Variants in TCF7 observed in about 807,000 individuals in gnomAD.
The protein encoded by TCF7 is transcription factor 7.
A neutral mutation model predicts 46.8 loss-of-function variants in TCF7; 19 were observed. The ratio of observed to expected loss-of-function variants is 0.41; its 90% CI spans 0.28 to 0.60. The LOEUF (loss-of-function observed/expected upper bound fraction) is 0.60, where lower values mean the gene tolerates loss of function less well. Ranked by LOEUF, TCF7 falls within the 20% of genes least tolerant of loss-of-function variation. The pLI is 0.35. For synonymous variants in TCF7, 245 were observed against 213.4 expected, an observed-to-expected ratio of 1.15 and a Z score of -1.29; for missense variants, 547 against 504.6, an observed-to-expected ratio of 1.08 and a Z score of -0.81.
chr5:134,122,874 A>G (rs886439079), intron 3 of TCF7, among the ~76,000 whole-genome samples: 1 of 152,224 alleles, frequency 6.6e-6, no homozygotes, highest in African/African-American at 2.4e-5. Context: ...CAGGGAGGCC[A>G]GATCAGGGAA....
At chr5:134,135,101 G>A (rs989130017) in intron 3 of TCF7, among the ~76,000 whole-genome samples, 2 of 152,156 alleles carry the variant, frequency 1.3e-5, no homozygotes, top group African/African-American at 4.8e-5. Context: ...CTACAGGCAT[G>A]CACCACCATG....
At chr5:134,110,694 G>T (rs892053700), upstream of TCF7, among the ~76,000 whole-genome samples, 5 of 152,344 alleles carry the variant, frequency 3.3e-5, no homozygotes, top group Admixed American at 2.0e-4. Context: ...GCGGGCTGGT[G>T]AGCAGGAAGA....
intron 9 of TCF7, chr5:134,144,690 C>CT: frequency 2.4e-6 from 2 of 827,564 alleles, no homozygotes; most frequent in Non-Finnish European, 4.1e-6. Context: ...TGTAGGGTGT[C>CT]TATAACTGGC....
upstream of TCF7, among the ~76,000 whole-genome samples, chr5:134,110,672 A>G (rs919338481): frequency 6.6e-6 from 1 of 152,238 alleles, no homozygotes; most frequent in Admixed American, 6.5e-5. Flanking sequence ...GCAAGCCCCA[A>G]CAGGATGCCA....
rs1487165694 is a variant in TCF7, at chr5:134,143,076, A to C, written c.1002A>C (p.Pro334=). 3.7e-6 allele frequency: 6 copies of C among 1,608,782 alleles called. No homozygotes were observed. The South Asian group carries it at 5.5e-5, about 15-fold the overall frequency. Residue 334 remains proline (P), a synonymous_variant, in exon 8 of 10, where the codon CCA becomes CCC. Coordinates refer to ENST00000342854, the MANE Select transcript of TCF7 (RefSeq NM_003202.5). ...KERQLHMQLY[P]GWSARDNYGK... is the part of the protein sequence containing the mutation. Reference sequence around the variant, plus strand: ...GGCAGCTGCACATGCAGCTATACCCAGGCTGGTCAGCGCGGGACAACTACG... The same window carrying C: ...GGCAGCTGCACATGCAGCTATACCCCGGCTGGTCAGCGCGGGACAACTACG...
At chr5:134,137,441 A>C (rs1267495837) in intron 3 of TCF7, among the ~76,000 whole-genome samples, 138 of 151,410 alleles carry the variant, frequency 9.1e-4, no homozygotes, top group African/African-American at 3.2e-3. Context: ...AAAAAAAAAA[A>C]AAAAAACAGA....
At chr5:134,117,601 C>T (rs1756000546) in intron 3 of TCF7, among the ~76,000 whole-genome samples, 1 of 152,168 alleles carries the variant, frequency 6.6e-6, no homozygotes, top group Non-Finnish European at 1.5e-5. Flanking sequence ...GGGAGAGTAT[C>T]TGGAGCAGGG....
At chr5:134,145,224 A>C (rs1399051803) in intron 9 of TCF7, 8 of 564,478 alleles carry the variant, frequency 1.4e-5, no homozygotes, top group Admixed American at 1.9e-5. Flanking sequence ...CCTCAAAGTC[A>C]TTATGGCCCA....
At chr5:134,117,282 C>A (rs1363114768) in intron 3 of TCF7, among the ~76,000 whole-genome samples, 1 of 152,226 alleles carries the variant, frequency 6.6e-6, no homozygotes, top group African/African-American at 2.4e-5. Flanking sequence ...GTGTGCCCCC[C>A]AGCATTCCCC....
intron 7 of TCF7, 34 bp downstream of exon 7, chr5:134,142,917 C>A (rs1760065975): frequency 6.2e-7 from 1 of 1,610,988 alleles, no homozygotes; most frequent in South Asian, 1.1e-5. Context: ...GGCAGGGATG[C>A]TCCCCGACCA....
chr5:134,132,674 C>G lies in TCF7; in HGVS notation c.442-5385C>G, dbSNP rs929698177. 2.6e-5 allele frequency among the ~76,000 whole-genome samples: 4 copies of G among 151,062 alleles called. No individual in the cohort carries two copies. The East Asian group carries it at 7.8e-4, about 29-fold the overall frequency. ...GCGTGCACACAGCCTGCGAGCAGACCGCTGCGGTCTACAGGGAAAATGCCG... is the reference window on the plus strand; with the variant it reads ...GCGTGCACACAGCCTGCGAGCAGACGGCTGCGGTCTACAGGGAAAATGCCG... On this transcript the variant is annotated intron_variant, in intron 3 of 9. Transcript: ENST00000342854.
chr5:134,126,194 C>T (rs1385662853), intron 3 of TCF7, among the ~76,000 whole-genome samples: 1 of 152,234 alleles, frequency 6.6e-6, no homozygotes, highest in African/African-American at 2.4e-5. Flanking sequence ...GCAGTGAGGT[C>T]TCTGCTGGCT....
At chr5:134,135,947 G>A (rs759436869) in intron 3 of TCF7, among the ~76,000 whole-genome samples, 1 of 152,216 alleles carries the variant, frequency 6.6e-6, no homozygotes, top group Non-Finnish European at 1.5e-5. Flanking sequence ...TGATGCTGCA[G>A]AGAGGTTGGA....
At chr5:134,113,729 A>G (rs1755419811), upstream of TCF7, among the ~76,000 whole-genome samples, 1 of 152,240 alleles carries the variant, frequency 6.6e-6, no homozygotes, top group Non-Finnish European at 1.5e-5. Context: ...TGCCATACAG[A>G]TGCGCTGGAA....
At chr5:134,128,363 T>C (rs975699087) in intron 3 of TCF7, among the ~76,000 whole-genome samples, 6 of 152,118 alleles carry the variant, frequency 3.9e-5, no homozygotes, top group African/African-American at 1.4e-4. Context: ...CTGCTCACAC[T>C]GGGTGTGAGG....
At chr5:134,145,574 AAGG>A in intron 9 of TCF7, 2 of 697,816 alleles carry the variant, frequency 2.9e-6, no homozygotes, top group Non-Finnish European at 4.8e-6. Context: ...TCCAGGCAGT[AAGG>A]CCACTGGCTC....
intron 3 of TCF7, among the ~76,000 whole-genome samples, chr5:134,125,078 CG>C (rs758748644): frequency 2.7e-4 from 41 of 152,184 alleles, no homozygotes; most frequent in Admixed American, 8.5e-4. Context: ...GGGCCTCAGC[CG>C]GGGTTTGCTG....
Position 134,144,678 on chromosome 5 carries a change from G to A in TCF7, c.1075+1038G>A, listed in dbSNP as rs1011889211. 7 of 741,084 alleles carry A rather than the reference G, an allele frequency of 9.4e-6. No homozygotes were observed. In the African/African-American group the frequency reaches 1.2e-4, roughly 13 times the overall value. The allele number at this position is 741,084 out of a possible 1,614,324, so 45.9% of individuals were successfully genotyped here. A position where few individuals can be genotyped will look rare whatever the true frequency, so the allele number is the denominator to read the frequency against. On this transcript the variant is annotated intron_variant, in intron 9 of 9. Transcript: ENST00000342854. The stretch of plus-strand genomic sequence containing the variant: ...GGAGAGGCCCACTCTGCCTATGGGG[G>A]CTGTAGGGTGTCTATAACTGGCTAA...
chr5:134,117,556 C>T (rs574067007), intron 3 of TCF7, among the ~76,000 whole-genome samples: 5 of 152,340 alleles, frequency 3.3e-5, no homozygotes, highest in African/African-American at 9.6e-5. Flanking sequence ...AAAAGGCTTC[C>T]TTTCGGAGGT....
Sources: gnomAD v4.1 joint callset for allele counts (sites outside exome capture counted in the v4.1 genomes callset) on GRCh38, gnomAD v4.1.1 for gene constraint, MANE v1.5 for transcripts, NCBI Gene and HGNC (gene_info 2026-07-23, HGNC 2026-07-21) for gene names.